The following CTDSPL variants were observed in gnomAD, a reference collection of about 807,000 sequenced individuals.
The protein encoded by CTDSPL is CTD small phosphatase-like protein.
CTDSPL carries 8 observed loss-of-function variants against 30.5 expected under a neutral mutation model. The observed-to-expected ratio is 0.26, with a 90% CI of 0.15 to 0.47. The LOEUF (loss-of-function observed/expected upper bound fraction) is 0.47, where lower values mean the gene tolerates loss of function less well. CTDSPL is among the 20% of genes least tolerant of loss of function. The pLI is 0.99. For synonymous variants in CTDSPL, 110 were observed against 137.9 expected (o/e 0.80, Z 1.42); for missense variants, 248 against 366.1 (o/e 0.68, Z 2.63).
At position 37,862,001 on chromosome 3, in the gene CTDSPL, A is replaced by C. The variant is rs1697944519; in HGVS notation, c.-199A>C. 1 of 144,580 alleles carries C rather than the reference A, an allele frequency of 6.9e-6. No homozygotes were observed. Among genetic ancestry groups the C allele is most frequent in the South Asian group, 2.0e-4 (1 of 5,024 alleles). 9.0% of individuals were successfully genotyped at this position (144,580 alleles called of 1,614,324 possible). On this transcript the variant is annotated 5_prime_UTR_variant, in exon 1 of 8. Coordinates refer to ENST00000273179, the MANE Select transcript of CTDSPL (RefSeq NM_001008392.2). This position sits in a 1 kb window ranked among gnomAD's most constrained non-coding sequence, Gnocchi z 4.3. ...ATGGTGACGAGGCGGCGGCCGCTCG[A>C]GCCCAGCGGCGGCGGCGGCGGGAGC...
At chr3:37,866,611 A>G (rs1698012506) in intron 1 of CTDSPL, among the ~76,000 whole-genome samples, 1 of 152,240 alleles carries the variant, frequency 6.6e-6, no homozygotes, top group African/African-American at 2.4e-5. Context: ...ATTAGTATGC[A>G]GTATTAGCAA....
At chr3:37,921,241 G>A (rs572084631) in intron 1 of CTDSPL, among the ~76,000 whole-genome samples, 4 of 152,344 alleles carry the variant, frequency 2.6e-5, no homozygotes, top group South Asian at 2.1e-4. Context: ...ACTTGCCAGA[G>A]GAAAAGGATG....
chr3:37,931,105 G>A (rs1698848645), intron 1 of CTDSPL, among the ~76,000 whole-genome samples: 1 of 149,880 alleles, frequency 6.7e-6, no homozygotes, highest in Admixed American at 6.6e-5. Flanking sequence ...GTGTATAATT[G>A]GGTCTTGCTT....
intron 1 of CTDSPL, among the ~76,000 whole-genome samples, chr3:37,930,843 A>G (rs1353106284): frequency 1.3e-5 from 2 of 152,006 alleles, no homozygotes; most frequent in Non-Finnish European, 1.5e-5. Flanking sequence ...CTTCATTTCT[A>G]TCGGTGCTTG....
intron 1 of CTDSPL, among the ~76,000 whole-genome samples, chr3:37,893,766 A>G (rs776441672): frequency 1.8e-4 from 28 of 152,244 alleles, no homozygotes; most frequent in Non-Finnish European, 2.6e-4. Context: ...ATAGACCAGT[A>G]TAAATGATTC....
intron 1 of CTDSPL, among the ~76,000 whole-genome samples, chr3:37,907,462 C>T (rs1698531710): frequency 6.6e-6 from 1 of 152,136 alleles, no homozygotes; most frequent in Non-Finnish European, 1.5e-5. Flanking sequence ...ACTTAAAGAA[C>T]TTGAGTCTTG....
Position 37,979,503 on chromosome 3 carries a change from G to A in CTDSPL, c.706-1239G>A, listed in dbSNP as rs377648348. On this transcript the variant is annotated intron_variant, in intron 7 of 7. Coordinates refer to ENST00000273179, the MANE Select transcript of CTDSPL (RefSeq NM_001008392.2). Reference sequence around the variant, plus strand: ...TGTAATCCCAGCTACTCAGGAGGCTGAGGCAGGAGAACCCAGGAGTTGGAG... The same window carrying A: ...TGTAATCCCAGCTACTCAGGAGGCTAAGGCAGGAGAACCCAGGAGTTGGAG... Among the ~76,000 whole-genome samples, 14 of 152,260 alleles carry A rather than the reference G, an allele frequency of 9.2e-5. No homozygotes were observed. The East Asian group carries it at 1.7e-3, about 19-fold the overall frequency.
intron 1 of CTDSPL, among the ~76,000 whole-genome samples, chr3:37,914,747 T>C (rs1024126030): frequency 3.3e-5 from 5 of 152,180 alleles, no homozygotes; most frequent in Non-Finnish European, 7.4e-5. Flanking sequence ...TTTACTATAA[T>C]TTCACTTTTT....
chr3:37,932,988 A>G (rs1698872200), intron 1 of CTDSPL, among the ~76,000 whole-genome samples: 1 of 151,972 alleles, frequency 6.6e-6, no homozygotes, highest in South Asian at 2.1e-4. Flanking sequence ...CCCTGTCTCT[A>G]CTAAAAATAC....
At chr3:37,908,985 C>T (rs186479465) in intron 1 of CTDSPL, among the ~76,000 whole-genome samples, 11 of 152,198 alleles carry the variant, frequency 7.2e-5, no homozygotes, top group Admixed American at 2.0e-4. Context: ...TAGTCTTTGT[C>T]GTAATTACTA....
At chr3:37,881,485 C>T (rs188555244) in intron 1 of CTDSPL, among the ~76,000 whole-genome samples, 7 of 152,158 alleles carry the variant, frequency 4.6e-5, no homozygotes, top group Non-Finnish European at 2.9e-5. Flanking sequence ...GCCAAGATCG[C>T]GCCACTGCAC....
intron 1 of CTDSPL, among the ~76,000 whole-genome samples, chr3:37,933,320 G>C (rs1698877935): frequency 6.6e-6 from 1 of 152,106 alleles, no homozygotes; most frequent in African/African-American, 2.4e-5. Context: ...CTCCCTTCCA[G>C]TTCTGTCTTC....
At chr3:37,972,142 G>C (rs1699374570) in intron 6 of CTDSPL, among the ~76,000 whole-genome samples, 2 of 152,192 alleles carry the variant, frequency 1.3e-5, no homozygotes, top group South Asian at 4.1e-4. Context: ...CACATACTGT[G>C]CTGGGCATTG....
intron 1 of CTDSPL, among the ~76,000 whole-genome samples, chr3:37,899,270 C>T (rs565832380): frequency 1.4e-3 from 206 of 152,244 alleles, no homozygotes; most frequent in African/African-American, 4.7e-3. Context: ...ACTAAACATT[C>T]CTGAGGAATG....
chr3:37,964,104 T>C (rs1188238490), intron 3 of CTDSPL, among the ~76,000 whole-genome samples: 1 of 145,570 alleles, frequency 6.9e-6, no homozygotes. Flanking sequence ...TATCTACTTA[T>C]GTGCCACAGT....
intron 1 of CTDSPL, among the ~76,000 whole-genome samples, chr3:37,912,109 C>G (rs928511917): frequency 6.6e-6 from 1 of 152,188 alleles, no homozygotes; most frequent in Admixed American, 6.5e-5. Context: ...TCTGCATATT[C>G]ATCTGTGACT....
chr3:37,919,745 TCTC>T (rs1293510567), intron 1 of CTDSPL, among the ~76,000 whole-genome samples: 1 of 151,738 alleles, frequency 6.6e-6, no homozygotes, highest in East Asian at 1.9e-4. Context: ...GATAGTGGAG[TCTC>T]CATCAGCATC....
chr3:37,865,215 T>C (rs180779047), intron 1 of CTDSPL, among the ~76,000 whole-genome samples: 243 of 152,354 alleles, frequency 1.6e-3, no homozygotes, highest in Non-Finnish European at 2.6e-3. Flanking sequence ...CAAATTTCCC[T>C]GTAAGTTTAA....
intron 6 of CTDSPL, among the ~76,000 whole-genome samples, chr3:37,973,602 T>C (rs1381559507): frequency 6.6e-6 from 1 of 152,240 alleles, no homozygotes; most frequent in Non-Finnish European, 1.5e-5. Flanking sequence ...GGACTCGGCT[T>C]CCAGCCAGCA....
Sources: gnomAD v4.1 joint callset for allele counts (sites outside exome capture counted in the v4.1 genomes callset) on GRCh38, gnomAD v4.1.1 for gene constraint, Gnocchi (gnomAD v3.1) non-coding constraint, MANE v1.5 for transcripts, NCBI Gene and HGNC (gene_info 2026-07-23, HGNC 2026-07-21) for gene names.